The following KLRG1 variants were observed in gnomAD, a reference collection of about 807,000 sequenced individuals.
KLRG1 encodes the protein killer cell lectin like receptor G1.
A neutral mutation model predicts 21.8 loss-of-function variants in KLRG1; 16 were observed. The observed-to-expected ratio is 0.73, with a 90% confidence interval of 0.50 to 1.11. The LOEUF is 1.11. Ranked by LOEUF, KLRG1 falls within the 50% of genes most tolerant of loss-of-function variation. The pLI, the probability that KLRG1 is intolerant of heterozygous loss-of-function variation, is 0.00. For missense variants in KLRG1, 173 were observed against 218.3 expected (o/e 0.79, Z 1.31); for synonymous variants, 69 against 75.9 (o/e 0.91, Z 0.47).
chr12:9,203,479 C>T, the KLRG1 span, among the ~76,000 whole-genome samples: 1 of 151,676 alleles, frequency 6.6e-6, no homozygotes, highest in Non-Finnish European at 1.5e-5. Flanking sequence ...GTAGCTGGGA[C>T]TACGGGCGCC....
chr12:9,016,803 G>A, the KLRG1 span, among the ~76,000 whole-genome samples: 1 of 151,732 alleles, frequency 6.6e-6, no homozygotes, highest in South Asian at 2.1e-4. Context: ...TAGTAGAGAT[G>A]GGGTTTCACT....
At chr12:9,089,121 T>C in the KLRG1 span, 322 of 1,124,310 alleles carry the variant, frequency 2.9e-4, 2 homozygotes, top group East Asian at 6.7e-3. Flanking sequence ...AGAGAAAGTG[T>C]AGGAATAATA....
chr12:9,189,102 C>G, the KLRG1 span, among the ~76,000 whole-genome samples: 2 of 152,060 alleles, frequency 1.3e-5, no homozygotes, highest in African/African-American at 4.8e-5. Context: ...AATGTTTTTC[C>G]TATAAAACTA....
chr12:9,043,676 C>T, the KLRG1 span, among the ~76,000 whole-genome samples: 42 of 152,338 alleles, frequency 2.8e-4, no homozygotes, highest in African/African-American at 9.6e-4. Flanking sequence ...TCTTGCTACT[C>T]CTCCCTCAAG....
the KLRG1 span, among the ~76,000 whole-genome samples, chr12:9,179,685 C>T: frequency 6.6e-6 from 1 of 152,200 alleles, no homozygotes; most frequent in Non-Finnish European, 1.5e-5. Flanking sequence ...TTACCTACTC[C>T]AGTGACCAAA....
the KLRG1 span, among the ~76,000 whole-genome samples, chr12:9,173,236 T>G: frequency 6.6e-6 from 1 of 152,108 alleles, no homozygotes; most frequent in Non-Finnish European, 1.5e-5. Flanking sequence ...GGGTAAACAA[T>G]GAAATTAAGG....
chr12:9,208,668 T>C, the KLRG1 span, among the ~76,000 whole-genome samples: 1 of 152,048 alleles, frequency 6.6e-6, no homozygotes, highest in African/African-American at 2.4e-5. Flanking sequence ...TCAAAATCCT[T>C]ACAAGCAGGT....
chr12:9,156,910 CTATT>C, the KLRG1 span, among the ~76,000 whole-genome samples: 3 of 151,768 alleles, frequency 2.0e-5, no homozygotes, highest in African/African-American at 4.8e-5. Flanking sequence ...TATTATTTAT[CTATT>C]TATTTATTTA....
chr12:8,993,508 T>A (rs1947039623), intron 2 of KLRG1, among the ~76,000 whole-genome samples: 1 of 152,054 alleles, frequency 6.6e-6, no homozygotes, highest in Admixed American at 6.5e-5. Context: ...CAGGCTGGTC[T>A]CGAACTCCTG....
chr12:9,115,707 T>A, the KLRG1 span: 1 of 1,309,348 alleles, frequency 7.6e-7, no homozygotes. Flanking sequence ...TAAAGAAAAA[T>A]CTGCAATAAA....
In KLRG1 at chr12:9,005,325, A is replaced by G. The variant is rs532452040; in HGVS notation, c.358-3650A>G. Among the ~76,000 whole-genome samples, 234 of 152,324 alleles carry G rather than the reference A, an allele frequency of 1.5e-3. 5 individuals carry two copies. The South Asian group carries it at 0.046, about 30-fold the overall frequency. ...TATGTAACAAAACTGCACATTCTGC[A>G]CATGTGCCCCAGAACTTAAAGTATA... On this transcript the variant is annotated intron_variant, in intron 3 of 4. Transcript: ENST00000356986.
At chr12:9,203,822 G>C in the KLRG1 span, 3 of 1,614,104 alleles carry the variant, frequency 1.9e-6, no homozygotes, top group East Asian at 2.2e-5. Flanking sequence ...CAGTGAAGAG[G>C]CTCCTGTTTT....
chr12:9,111,240 G>A, the KLRG1 span, among the ~76,000 whole-genome samples: 10 of 151,964 alleles, frequency 6.6e-5, no homozygotes, highest in South Asian at 2.1e-4. Context: ...ATATAACCAC[G>A]CACAAAAGAA....
chr12:9,172,367 A>G, the KLRG1 span, among the ~76,000 whole-genome samples: 3 of 152,200 alleles, frequency 2.0e-5, no homozygotes, highest in East Asian at 1.9e-4. Context: ...AAGAAAGACC[A>G]TTACCAGCCA....
chr12:9,008,995 CA>C lies in KLRG1; in HGVS notation c.379del (p.Ser127ValfsTer9), dbSNP rs1565554774. 6.2e-7 allele frequency: 1 copy of C among 1,613,744 alleles called. No homozygotes were observed. On this transcript the variant is annotated frameshift_variant, in exon 4 of 5. Coordinates refer to ENST00000356986, the MANE Select transcript of KLRG1 (RefSeq NM_005810.4). LOFTEE classifies it high-confidence loss of function. ...QEMSLLQVFL[S>X]EAFCWIGLRN... The stretch of plus-strand genomic sequence containing the variant: ...CTTAGAGCCTGCTCCAAGTTTTCCT[CA>C]GTGAGGCCTTTTGCTGGATTGGTCT...
At chr12:9,182,380 G>A in the KLRG1 span, among the ~76,000 whole-genome samples, 1 of 151,602 alleles carries the variant, frequency 6.6e-6, no homozygotes, top group South Asian at 2.1e-4. Flanking sequence ...CTTAACTGTT[G>A]CCTAAATCAA....
At chr12:9,003,656 A>C (rs957962874) in intron 3 of KLRG1, among the ~76,000 whole-genome samples, 2 of 151,768 alleles carry the variant, frequency 1.3e-5, no homozygotes, top group African/African-American at 4.8e-5. Context: ...ACAGAGAGAA[A>C]GTAAAAAATA....
chr12:9,110,053 T>A, the KLRG1 span: 1 of 1,591,490 alleles, frequency 6.3e-7, no homozygotes, highest in Non-Finnish European at 8.5e-7. Flanking sequence ...AGTAAATTAA[T>A]TATAACTTAC....
the KLRG1 span, among the ~76,000 whole-genome samples, chr12:9,177,691 A>T: frequency 6.6e-6 from 1 of 152,242 alleles, no homozygotes; most frequent in Non-Finnish European, 1.5e-5. Context: ...ATTCAAAGCG[A>T]CCACGCTTAA....
Sources: allele counts gnomAD v4.1 joint callset (sites outside exome capture counted in the v4.1 genomes callset), GRCh38; gene constraint gnomAD v4.1.1; transcripts MANE v1.5; gene names NCBI Gene and HGNC (gene_info 2026-07-23, HGNC 2026-07-21).